Variants in BORA observed in about 807,000 individuals in gnomAD.
BORA encodes BORA aurora kinase A activator, also known as protein aurora borealis.
A neutral mutation model predicts 55.8 loss-of-function variants in BORA; 26 were observed. The observed-to-expected ratio is 0.47, with a 90% CI of 0.34 to 0.65. The LOEUF (loss-of-function observed/expected upper bound fraction) is 0.65. BORA is among the 30% of genes least tolerant of loss of function. The pLI, the probability that BORA is intolerant of heterozygous loss-of-function variation, is 0.01. For missense variants in BORA, 568 were observed against 671.5 expected (o/e 0.85, Z 1.70); for synonymous variants, 201 against 216.9 (o/e 0.93, Z 0.64).
Position 72,753,682 on chromosome 13 carries a change from C to G in BORA, c.1483-8C>G, listed in dbSNP as rs778269922. 106 of 1,592,022 alleles carry G rather than the reference C, an allele frequency of 6.7e-5. No individual in the cohort carries two copies. Among genetic ancestry groups the G allele is most frequent in the Non-Finnish European group, 8.4e-5 (99 of 1,171,612 alleles). On this transcript the variant is annotated splice_region_variant and splice_polypyrimidine_tract_variant and intron_variant, in intron 10 of 11. Coordinates refer to ENST00000390667, the MANE Select transcript of BORA (RefSeq NM_024808.5). ...CACAATATATTTTTTTCTTTTTTCTCCTGTCAGATGGATAGTGGCTATAAT... is the reference window on the plus strand; with the variant it reads ...CACAATATATTTTTTTCTTTTTTCTGCTGTCAGATGGATAGTGGCTATAAT...
intron 4 of BORA, among the ~76,000 whole-genome samples, chr13:72,735,646 G>A (rs2138052597): frequency 6.6e-6 from 1 of 152,138 alleles, no homozygotes; most frequent in South Asian, 2.1e-4. Context: ...TTTCGTTCTT[G>A]TTGCCCAGGC....
chr13:72,739,483 A>G (rs982064138), intron 5 of BORA, among the ~76,000 whole-genome samples: 2 of 152,172 alleles, frequency 1.3e-5, no homozygotes, highest in Non-Finnish European at 2.9e-5. Context: ...TGGCATGGAC[A>G]AGTTCTGTTC....
chr13:72,737,743 C>T (rs1233216764), intron 4 of BORA, among the ~76,000 whole-genome samples: 2 of 152,068 alleles, frequency 1.3e-5, no homozygotes, highest in African/African-American at 4.8e-5. Flanking sequence ...GTTTAGTTTG[C>T]AAGTTTCAAA....
intron 2 of BORA, among the ~76,000 whole-genome samples, chr13:72,729,844 G>C (rs2032774395): frequency 6.6e-6 from 1 of 152,134 alleles, no homozygotes; most frequent in Admixed American, 6.5e-5. Flanking sequence ...GTGTTAAACA[G>C]AACTAGATGA....
At chr13:72,730,897 A>AAC (rs1459885601) in intron 2 of BORA, among the ~76,000 whole-genome samples, 4 of 109,164 alleles carry the variant, frequency 3.7e-5, no homozygotes, top group African/African-American at 5.6e-5. Flanking sequence ...CTAAAAAAAA[A>AAC]AAAAAAAAAA....
At chr13:72,749,570 C>A (rs960515548) in intron 10 of BORA, among the ~76,000 whole-genome samples, 4 of 151,654 alleles carry the variant, frequency 2.6e-5, no homozygotes, top group African/African-American at 4.8e-5. Flanking sequence ...TATATAATAA[C>A]CTTTCTATTG....
intron 11 of BORA, chr13:72,754,613 G>A (rs2033393911): frequency 6.6e-6 from 1 of 152,270 alleles, no homozygotes; most frequent in Non-Finnish European, 1.5e-5. Context: ...TAGTATCAGA[G>A]CAGGTCTCTT....
Position 72,755,764 on chromosome 13 carries a change from A to G in BORA, c.*548A>G, listed in dbSNP as rs571050827. The stretch of plus-strand genomic sequence containing the variant: ...GTGGGGAAAATTCTTAGTTCCAGTG[A>G]TAACTGTTCTAGTTACTACTTTTAA... On this transcript the variant is annotated 3_prime_UTR_variant, in exon 12 of 12. Transcript: ENST00000390667. 246 of 397,780 alleles carry G rather than the reference A, an allele frequency of 6.2e-4. 1 individual carries two copies. The highest frequency in any genetic ancestry group is 4.7e-3 in the African/African-American group (230 of 48,748). 24.6% of individuals were successfully genotyped at this position (397,780 alleles called of 1,614,324 possible). A position where few individuals can be genotyped will look rare whatever the true frequency, so the allele number is the denominator to read the frequency against.
At position 72,745,941 on chromosome 13, in the gene BORA, CA is replaced by C. The variant is rs749590140; in HGVS notation, c.739-2del. ...ATTTATTTACTATTTAATTTTATTA[CA>C]GGGGCAGTTTTCTTCTAGCCCTATT... On this transcript the variant is annotated splice_acceptor_variant, in intron 8 of 11. Coordinates refer to ENST00000390667, the MANE Select transcript of BORA (RefSeq NM_024808.5). LOFTEE classifies it high-confidence loss of function. 6.2e-7 allele frequency: 1 copy of C among 1,601,314 alleles called. No homozygotes were observed. The highest frequency in any genetic ancestry group is 1.3e-5 in the African/African-American group (1 of 74,242).
At chr13:72,748,060 A>G (rs2033189192) in intron 10 of BORA, among the ~76,000 whole-genome samples, 2 of 152,194 alleles carry the variant, frequency 1.3e-5, no homozygotes, top group Admixed American at 1.3e-4. Flanking sequence ...CTTCTTTAGA[A>G]GTTCTGACTT....
chr13:72,736,950 T>C (rs1400860162), intron 4 of BORA, among the ~76,000 whole-genome samples: 1 of 150,744 alleles, frequency 6.6e-6, no homozygotes, highest in Non-Finnish European at 1.5e-5. Context: ...ATTTTTTTTC[T>C]GGTAATTGTC....
In BORA at chr13:72,729,043, C is replaced by T; in HGVS notation, c.103C>T (p.His35Tyr). 1 of 1,597,948 alleles carries T rather than the reference C, an allele frequency of 6.3e-7. No individual in the cohort carries two copies. The highest frequency in any genetic ancestry group is 8.5e-7 in the Non-Finnish European group (1 of 1,174,636). The change falls in exon 2 of 12, where the codon CAT becomes TAT. Residue 35 changes from histidine (H) to tyrosine (Y), a missense_variant. His to Tyr is a moderately conservative substitution (Grantham distance 83, BLOSUM62 2). Transcript: ENST00000390667. ...AAGTCCTAGTGATTATTCTAATCTC[C>T]ATGAACAAACTCTCGCCAGTCCTTC... ...FESPSDYSNL[H>Y]EQTLASPSVF...
chr13:72,738,349 A>G (rs1457076755), intron 5 of BORA, among the ~76,000 whole-genome samples: 1 of 152,166 alleles, frequency 6.6e-6, no homozygotes, highest in Non-Finnish European at 1.5e-5. Flanking sequence ...ATGAGTTGTT[A>G]ATGACTTTAG....
intron 10 of BORA, among the ~76,000 whole-genome samples, chr13:72,749,626 T>C (rs1188407984): frequency 1.3e-5 from 2 of 152,064 alleles, no homozygotes; most frequent in African/African-American, 4.8e-5. Context: ...GTACTAATTT[T>C]AAAAGTCTGC....
At chr13:72,753,415 CAG>C (rs1352827213) in intron 10 of BORA, 2 of 251,262 alleles carry the variant, frequency 8.0e-6, no homozygotes, top group Non-Finnish European at 1.5e-5. Context: ...CACAAAATAA[CAG>C]GAAAGCATTG....
intron 5 of BORA, among the ~76,000 whole-genome samples, chr13:72,743,222 CTT>C (rs1308085250): frequency 2.6e-5 from 4 of 152,054 alleles, no homozygotes; most frequent in Non-Finnish European, 2.9e-5. Context: ...TTGATTTGCT[CTT>C]GTCATAGTGT....
chr13:72,752,942 C>T (rs1022826041), intron 10 of BORA: 2 of 152,160 alleles, frequency 1.3e-5, no homozygotes, highest in South Asian at 2.1e-4. Context: ...GTAAATGGAG[C>T]GTTGTGCAGT....
In BORA at chr13:72,728,968, C is replaced by A; in HGVS notation, c.28C>A (p.Gln10Lys). 1 of 1,605,296 alleles carries A rather than the reference C, an allele frequency of 6.2e-7. No homozygotes were observed. Among genetic ancestry groups the A allele is most frequent in the Non-Finnish European group, 8.5e-7 (1 of 1,177,360 alleles). The change falls in exon 2 of 12, where the codon CAA becomes AAA. Residue 10 changes from glutamine to lysine, a missense_variant. By Grantham distance (53) the Gln-to-Lys change is moderately conservative. Coordinates refer to ENST00000390667, the MANE Select transcript of BORA (RefSeq NM_024808.5). ...GGGAGATGTCAAGGAATCAAAGATGCAAATAACACCAGAAACTCCAGGAAG... is the reference window on the plus strand; with the variant it reads ...GGGAGATGTCAAGGAATCAAAGATGAAAATAACACCAGAAACTCCAGGAAG... MGDVKESKM[Q>K]ITPETPGRIP... is the part of the protein sequence containing the mutation.
At chr13:72,746,119 T>G in intron 9 of BORA, 43 bp downstream of exon 9, 2 of 1,505,954 alleles carry the variant, frequency 1.3e-6, no homozygotes, top group Non-Finnish European at 1.8e-6. Context: ...TTTTATACTA[T>G]CAATATTTGT....
Sources: gnomAD v4.1 joint callset for allele counts (sites outside exome capture counted in the v4.1 genomes callset) on GRCh38, gnomAD v4.1.1 for gene constraint, MANE v1.5 for transcripts, NCBI Gene and HGNC (gene_info 2026-07-23, HGNC 2026-07-21) for gene names.